Variants in AGBL4 observed in about 807,000 individuals in gnomAD.
AGBL4 encodes AGBL carboxypeptidase 4.
In AGBL4, 58 loss-of-function variants were observed where a neutral mutation model predicts 66.4. That is an observed-to-expected ratio of 0.87 (90% confidence interval 0.71 to 1.09). AGBL4 has a LOEUF of 1.09. Ranked by LOEUF, AGBL4 falls within the 50% of genes least tolerant of loss-of-function variation. The pLI is 0.00. For missense variants in AGBL4, 579 were observed against 631.0 expected (o/e 0.92, Z 0.88); for synonymous variants, 234 against 222.9 (o/e 1.05, Z -0.44).
chr1:48,619,812 A>T (rs749101488), intron 9 of AGBL4, among the ~76,000 whole-genome samples: 41 of 152,302 alleles, frequency 2.7e-4, no homozygotes, highest in Middle Eastern at 3.4e-3. Flanking sequence ...TGCTGTGTAC[A>T]GTGGCCTTAG....
At position 49,593,238 on chromosome 1, in the gene AGBL4, A is replaced by T. The variant is rs533147490; in HGVS notation, c.282+104075T>A. ...GGCTAACACGGTGAAACCCCGTCTC[A>T]ACTAAAAAAATACAAAAAATTAGCC... On this transcript the variant is annotated intron_variant, in intron 3 of 13. Coordinates refer to ENST00000371839, the MANE Select transcript of AGBL4 (RefSeq NM_032785.4). 7.2e-5 allele frequency among the ~76,000 whole-genome samples: 11 copies of T among 152,084 alleles called. No homozygotes were observed. In the East Asian group the frequency reaches 2.1e-3, roughly 30 times the overall value.
chr1:49,847,412 G>T (rs369989651), intron 2 of AGBL4, among the ~76,000 whole-genome samples: 2 of 152,080 alleles, frequency 1.3e-5, no homozygotes, highest in Non-Finnish European at 2.9e-5. Context: ...AGATCTATGG[G>T]ACTTAATTAA....
At chr1:49,879,239 C>T (rs1428617609) in intron 1 of AGBL4, among the ~76,000 whole-genome samples, 1 of 147,284 alleles carries the variant, frequency 6.8e-6, no homozygotes, top group Non-Finnish European at 1.5e-5. Flanking sequence ...TTAGTTGATG[C>T]AGTTTCTTCC....
intron 4 of AGBL4, among the ~76,000 whole-genome samples, chr1:49,208,616 C>A (rs1648430318): frequency 6.6e-6 from 1 of 152,048 alleles, no homozygotes; most frequent in African/African-American, 2.4e-5. Flanking sequence ...CAGAGGGGAT[C>A]CAAGAATTTA....
At chr1:49,896,805 T>C (rs575158414) in intron 1 of AGBL4, among the ~76,000 whole-genome samples, 2 of 152,034 alleles carry the variant, frequency 1.3e-5, no homozygotes, top group African/African-American at 4.8e-5. Context: ...TGGTTCAGCA[T>C]ATGCAAATCA....
chr1:49,948,297 A>T (rs1331224749), intron 1 of AGBL4, among the ~76,000 whole-genome samples: 5 of 109,990 alleles, frequency 4.5e-5, no homozygotes, highest in African/African-American at 7.7e-5. Context: ...AATATATAAA[A>T]ATATATATAA....
intron 3 of AGBL4, among the ~76,000 whole-genome samples, chr1:49,652,852 G>T (rs979234094): frequency 1.3e-5 from 2 of 152,166 alleles, no homozygotes. Context: ...GAAGAGGGGC[G>T]GCTGCAGTAT....
At chr1:49,998,837 T>C (rs1660545516) in intron 1 of AGBL4, among the ~76,000 whole-genome samples, 1 of 152,118 alleles carries the variant, frequency 6.6e-6, no homozygotes, top group African/African-American at 2.4e-5. Context: ...AAAAATCACA[T>C]GATTATCTCG....
chr1:49,440,213 G>A (rs1004585268), intron 3 of AGBL4, among the ~76,000 whole-genome samples: 1 of 151,908 alleles, frequency 6.6e-6, no homozygotes, highest in African/African-American at 2.4e-5. Flanking sequence ...GGGATTATAG[G>A]CGCCCGCCAC....
chr1:48,885,700 A>G (rs1470105946), intron 5 of AGBL4, among the ~76,000 whole-genome samples: 1 of 152,108 alleles, frequency 6.6e-6, no homozygotes, highest in Non-Finnish European at 1.5e-5. Context: ...TCTCTTGGGT[A>G]TAGGGGTAGT....
intron 1 of AGBL4, among the ~76,000 whole-genome samples, chr1:49,964,521 A>G (rs1017329435): frequency 1.3e-5 from 2 of 152,176 alleles, no homozygotes; most frequent in Non-Finnish European, 2.9e-5. Context: ...GGTGGCTAAT[A>G]TTATAATCAT....
intron 2 of AGBL4, among the ~76,000 whole-genome samples, chr1:49,701,933 A>C (rs2124629492): frequency 6.6e-6 from 1 of 152,304 alleles, no homozygotes; most frequent in Admixed American, 6.5e-5. Flanking sequence ...CTATAAATCA[A>C]GTAACATTAC....
intron 3 of AGBL4, among the ~76,000 whole-genome samples, chr1:49,306,937 G>C (rs1644858472): frequency 6.6e-6 from 1 of 152,148 alleles, no homozygotes; most frequent in South Asian, 2.1e-4. Flanking sequence ...TGGAGGCTAA[G>C]AAAGTTTAGA....
intron 6 of AGBL4, among the ~76,000 whole-genome samples, chr1:48,837,084 T>G (rs1646694408): frequency 6.7e-6 from 1 of 149,858 alleles, no homozygotes; most frequent in Admixed American, 6.7e-5. Context: ...TATAGAGACA[T>G]AAAATAATTA....
At chr1:49,692,874 T>A (rs544028598) in intron 3 of AGBL4, among the ~76,000 whole-genome samples, 2 of 152,318 alleles carry the variant, frequency 1.3e-5, no homozygotes, top group African/African-American at 2.4e-5. Context: ...CTTCTTTTTT[T>A]AAAATCTCCT....
intron 4 of AGBL4, among the ~76,000 whole-genome samples, chr1:49,162,299 G>C (rs1180047636): frequency 6.6e-6 from 1 of 152,078 alleles, no homozygotes; most frequent in Admixed American, 6.6e-5. Flanking sequence ...ACTCTGTCCA[G>C]AAATTGGCAT....
intron 3 of AGBL4, among the ~76,000 whole-genome samples, chr1:49,504,710 T>A (rs908281301): frequency 6.6e-6 from 1 of 152,070 alleles, no homozygotes. Flanking sequence ...TTTCATCCCT[T>A]CACTTTCAGT....
At chr1:49,068,811 C>T (rs890234172) in intron 4 of AGBL4, among the ~76,000 whole-genome samples, 1 of 152,190 alleles carries the variant, frequency 6.6e-6, no homozygotes, top group African/African-American at 2.4e-5. Context: ...ACCACAGAGT[C>T]TTCCACAATG....
chr1:49,081,892 T>C (rs1008154172), intron 4 of AGBL4, among the ~76,000 whole-genome samples: 1 of 152,190 alleles, frequency 6.6e-6, no homozygotes, highest in African/African-American at 2.4e-5. Flanking sequence ...GTAATGACCT[T>C]TTCCACGTGT....
Sources: allele counts gnomAD v4.1 joint callset (sites outside exome capture counted in the v4.1 genomes callset), GRCh38; gene constraint gnomAD v4.1.1; transcripts MANE v1.5; gene names NCBI Gene and HGNC (gene_info 2026-07-23, HGNC 2026-07-21).